The following SLF2 variants were observed in gnomAD, a reference collection of about 807,000 sequenced individuals.
SLF2 encodes SMC5/6 complex localization factor 2.
Under a neutral mutation model 124.3 loss-of-function variants are expected in SLF2, and 68 were observed. That is an observed-to-expected ratio of 0.55 (90% CI 0.45 to 0.67). SLF2 has a LOEUF of 0.67. Ranked by LOEUF, SLF2 falls within the 30% of genes least tolerant of loss-of-function variation. The pLI, the probability that SLF2 is intolerant of heterozygous loss-of-function variation, is 0.00. For missense variants in SLF2, 1,246 were observed against 1,373.7 expected (o/e 0.91, Z 1.47); for synonymous variants, 480 against 478.8 (o/e 1.00, Z -0.03).
chr10:100,956,084 CT>C (rs879338416), intron 17 of SLF2, among the ~76,000 whole-genome samples: 304 of 141,684 alleles, frequency 2.1e-3, no homozygotes, highest in Middle Eastern at 3.6e-3. Flanking sequence ...AAATTTTTTT[CT>C]TTTTTTTTTT....
At chr10:100,922,217 A>G (rs959017983) in intron 4 of SLF2, among the ~76,000 whole-genome samples, 7 of 152,198 alleles carry the variant, frequency 4.6e-5, no homozygotes, top group Admixed American at 2.6e-4. Context: ...AGGTGGGACT[A>G]CAGGCACATG....
chr10:100,939,629 G>A (rs1849929629), intron 11 of SLF2, among the ~76,000 whole-genome samples: 4 of 150,524 alleles, frequency 2.7e-5, no homozygotes, highest in Non-Finnish European at 3.0e-5. Context: ...AGTGAGCCGA[G>A]ATCACACCAC....
chr10:100,948,554 A>G (rs1407347208), intron 15 of SLF2, among the ~76,000 whole-genome samples: 1 of 152,156 alleles, frequency 6.6e-6, no homozygotes, highest in Non-Finnish European at 1.5e-5. Context: ...ATAAACATTG[A>G]TAGCACTAAT....
In SLF2 at chr10:100,924,990, G is replaced by GT. The variant is rs1564772777; in HGVS notation, c.1971+21dup. ...ACTATACAGTAAGTAGTTCTGTGAC[G>GT]TTTATCTTTACTTGAAGAGGGAAAG... On this transcript the variant is annotated intron_variant, in intron 5 of 19. Coordinates refer to ENST00000238961, the MANE Select transcript of SLF2 (RefSeq NM_018121.4). 1 of 1,576,358 alleles carries GT rather than the reference G, an allele frequency of 6.3e-7. No homozygotes were observed. The highest frequency in any genetic ancestry group is 1.2e-5 in the South Asian group (1 of 86,056).
At position 100,946,343 on chromosome 10, in the gene SLF2, T is replaced by TC. The variant is rs397717704; in HGVS notation, c.2935-695dup. ...TGTTAGGCTTTTTTTTTTTTTTTTT[T>TC]CTGTAAGACAGCATCTCCTGTCACC... On this transcript the variant is annotated intron_variant, in intron 13 of 19. Transcript: ENST00000238961. Among the ~76,000 whole-genome samples, 7 of 150,984 alleles carry TC rather than the reference T, an allele frequency of 4.6e-5. No individual in the cohort carries two copies. In the South Asian group the frequency reaches 6.3e-4, roughly 14 times the overall value.
intron 15 of SLF2, among the ~76,000 whole-genome samples, chr10:100,949,554 C>T (rs1393172905): frequency 1.3e-5 from 2 of 151,780 alleles, no homozygotes; most frequent in African/African-American, 4.8e-5. Context: ...GTCTCCTAAG[C>T]ATTTATCCTA....
In SLF2 at chr10:100,962,827, CACTGTG is replaced by C; in HGVS notation, c.*916_*921del. On this transcript the variant is annotated 3_prime_UTR_variant, in exon 20 of 20. Coordinates refer to ENST00000238961, the MANE Select transcript of SLF2 (RefSeq NM_018121.4). Reference sequence around the variant, plus strand: ...TGGCAGACACCTGAATTCTTTGGGACACTGTGTCTGTGTATGTGTGTGTGTGTGTGT... The same window carrying C: ...TGGCAGACACCTGAATTCTTTGGGACTCTGTGTATGTGTGTGTGTGTGTGT... 6.6e-6 allele frequency: 1 copy of C among 151,188 alleles called. No homozygotes were observed. Among genetic ancestry groups the C allele is most frequent in the Non-Finnish European group, 1.5e-5 (1 of 67,812 alleles). 9.4% of individuals were successfully genotyped at this position (151,188 alleles called of 1,614,324 possible).
intron 2 of SLF2, 129 bp downstream of exon 2, chr10:100,916,171 T>C (rs1365268824): frequency 1.5e-6 from 1 of 653,128 alleles, no homozygotes; most frequent in Non-Finnish European, 2.6e-6. Context: ...AAAATGAAGA[T>C]GCAGTATTTT....
rs563745016 is a variant in SLF2, at chr10:100,939,480, C to G, written c.2654+744C>G. ...ATCACTTGAGGTCAGGAGTTTGAGA[C>G]CAGTGACCAACATGGTGAAACCCTG... is the stretch of plus-strand genomic sequence containing the variant. On this transcript the variant is annotated intron_variant, in intron 11 of 19. Transcript: ENST00000238961. Among the ~76,000 whole-genome samples, 108 of 151,884 alleles carry G rather than the reference C, an allele frequency of 7.1e-4. 1 individual carries two copies. The highest frequency in any genetic ancestry group is 2.6e-3 in the African/African-American group (107 of 41,434).
chr10:100,945,223 T>C, intron 12 of SLF2, 107 bp from the exon 13 acceptor site: 1 of 902,956 alleles, frequency 1.1e-6, no homozygotes, highest in Non-Finnish European at 1.6e-6. Context: ...GTTTGTTTTC[T>C]TTATAGTTCT....
chr10:100,957,373 G>A (rs1201728730), intron 18 of SLF2, among the ~76,000 whole-genome samples: 1 of 88,128 alleles, frequency 1.1e-5, no homozygotes, highest in Non-Finnish European at 2.0e-5. Flanking sequence ...TTTTTGAGAT[G>A]GAGTTTCACT....
At chr10:100,928,068 C>CAGA (rs1491324670) in intron 6 of SLF2, among the ~76,000 whole-genome samples, 1 of 59,534 alleles carries the variant, frequency 1.7e-5, no homozygotes, top group Admixed American at 2.0e-4. Flanking sequence ...CACACACACA[C>CAGA]GAGAGAGAGA....
chr10:100,946,950 T>A, intron 13 of SLF2, 89 bp from the exon 14 acceptor site: 1 of 1,007,986 alleles, frequency 9.9e-7, no homozygotes, highest in Admixed American at 1.8e-5. Flanking sequence ...AGTGCTTCCA[T>A]TATGTCAAGA....
chr10:100,947,377 TA>T (rs1185840899), intron 14 of SLF2, among the ~76,000 whole-genome samples: 3 of 152,162 alleles, frequency 2.0e-5, no homozygotes, highest in East Asian at 1.9e-4. Context: ...CCAAGCTGAA[TA>T]TTTTTTTATT....
intron 9 of SLF2, among the ~76,000 whole-genome samples, chr10:100,935,922 G>A (rs1237371575): frequency 2.1e-5 from 3 of 139,576 alleles, no homozygotes; most frequent in Non-Finnish European, 4.6e-5. Flanking sequence ...GCAGTGGTGC[G>A]ATCACTGCTC....
intron 17 of SLF2, among the ~76,000 whole-genome samples, chr10:100,955,033 G>A (rs1045870746): frequency 2.7e-5 from 4 of 149,790 alleles, no homozygotes; most frequent in African/African-American, 9.9e-5. Flanking sequence ...TCTGCCTCCC[G>A]GGTACACGCC....
intron 16 of SLF2, 69 bp downstream of exon 16, chr10:100,950,276 C>CATCA: frequency 3.4e-6 from 5 of 1,482,138 alleles, no homozygotes; most frequent in Non-Finnish European, 3.6e-6. Flanking sequence ...TAACCATAGA[C>CATCA]TGATATGTAG....
intron 11 of SLF2, among the ~76,000 whole-genome samples, chr10:100,942,215 C>G (rs1204919483): frequency 5.9e-5 from 9 of 152,142 alleles, no homozygotes; most frequent in Non-Finnish European, 1.3e-4. Context: ...CTCAATCCCA[C>G]AAGACTGCCA....
Position 100,947,763 on chromosome 10 carries a change from A to G in SLF2, c.3036A>G (p.Gln1012=), listed in dbSNP as rs762613092. The change falls in exon 15 of 20, where the codon CAA becomes CAG. Residue 1012 remains glutamine, a synonymous_variant. Transcript: ENST00000238961. ...LVPNWTSRGR[Q]LRQCLSLVII... ...TACTTTTAACTTCTAATTCTAGGCAACTGAGACAGTGCCTCAGTCTAGTGA... is the reference window on the plus strand; with the variant it reads ...TACTTTTAACTTCTAATTCTAGGCAGCTGAGACAGTGCCTCAGTCTAGTGA... 1.2e-6 allele frequency: 2 copies of G among 1,605,682 alleles called. No individual in the cohort carries two copies. The highest frequency in any genetic ancestry group is 1.1e-5 in the South Asian group (1 of 90,278).
Sources: gnomAD v4.1 joint callset for allele counts (sites outside exome capture counted in the v4.1 genomes callset) on GRCh38, gnomAD v4.1.1 for gene constraint, MANE v1.5 for transcripts, NCBI Gene and HGNC (gene_info 2026-07-23, HGNC 2026-07-21) for gene names.